DLD: variants seen among roughly 807,000 people sequenced by gnomAD.
DLD encodes the protein dihydrolipoyl dehydrogenase, mitochondrial.
Under a neutral mutation model 62.2 loss-of-function variants are expected in DLD, and 36 were observed. The observed-to-expected ratio is 0.58, with a 90% CI of 0.44 to 0.76. The LOEUF (loss-of-function observed/expected upper bound fraction) is 0.76, where lower values mean the gene tolerates loss of function less well. DLD is among the 30% of genes least tolerant of loss of function. The pLI, the probability that DLD is intolerant of heterozygous loss-of-function variation, is 0.00. For synonymous variants in DLD, 204 were observed against 199.6 expected, an observed-to-expected ratio of 1.02 and a Z score of -0.19; for missense variants, 541 against 608.6, an observed-to-expected ratio of 0.89 and a Z score of 1.17.
chr7:107,898,247 T>A (rs2031779566), intron 2 of DLD, among the ~76,000 whole-genome samples: 1 of 151,622 alleles, frequency 6.6e-6, no homozygotes, highest in Non-Finnish European at 1.5e-5. Flanking sequence ...TAAATGTATT[T>A]CATTTAACTA....
chr7:107,896,413 C>G (rs918932065), intron 2 of DLD, among the ~76,000 whole-genome samples: 1 of 152,168 alleles, frequency 6.6e-6, no homozygotes, highest in African/African-American at 2.4e-5. Flanking sequence ...CAGGTGTCAT[C>G]CTTACTATTA....
Position 107,901,768 on chromosome 7 carries a change from G to A in DLD, c.149G>A (p.Gly50Asp). 1 of 1,613,650 alleles carries A rather than the reference G, an allele frequency of 6.2e-7. No homozygotes were observed. The highest frequency in any genetic ancestry group is 8.5e-7 in the Non-Finnish European group (1 of 1,179,704). Residue 50 changes from glycine to aspartate, a missense_variant, in exon 3 of 14, where the codon GGT (glycine) becomes GAT (aspartate). Transcript: ENST00000205402. ...GCTGATGTAACAGTTATAGGTTCTG[G>A]TCCTGGAGGATATGTTGCTGCTATT... ...IDADVTVIGS[G>D]PGGYVAAIKA...
intron 7 of DLD, among the ~76,000 whole-genome samples, chr7:107,905,971 A>G (rs576246578): frequency 5.3e-5 from 8 of 152,252 alleles, no homozygotes; most frequent in Non-Finnish European, 8.8e-5. Flanking sequence ...ATGACATAGT[A>G]TTTGCATATA....
At chr7:107,891,177 G>A, upstream of DLD, 3 of 1,580,068 alleles carry the variant, frequency 1.9e-6, no homozygotes, top group Admixed American at 1.7e-5. Flanking sequence ...CGCAGGGAGG[G>A]GAGACCTTGG....
chr7:107,918,212 C>A, intron 12 of DLD, 151 bp downstream of exon 12: 2 of 830,374 alleles, frequency 2.4e-6, no homozygotes, highest in Non-Finnish European at 3.9e-6. Flanking sequence ...AGAAGGATAC[C>A]AGCAGCACTC....
At chr7:107,916,427 C>T (rs945206801) in intron 9 of DLD, among the ~76,000 whole-genome samples, 3 of 152,164 alleles carry the variant, frequency 2.0e-5, no homozygotes, top group Non-Finnish European at 4.4e-5. Context: ...GTAATCCCAG[C>T]ATTTTGGGAG....
intron 4 of DLD, among the ~76,000 whole-genome samples, chr7:107,903,241 ATACAAAATTAGCCAGGCGTGG>A (rs938351375): frequency 1.3e-4 from 20 of 152,316 alleles, no homozygotes; most frequent in African/African-American, 4.8e-4. Context: ...TCTACTAAAA[ATACAAAATTAGCCAGGCGTGG>A]TGATGCATGC....
intron 8 of DLD, among the ~76,000 whole-genome samples, chr7:107,911,418 G>C (rs942735361): frequency 7.9e-5 from 12 of 152,150 alleles, no homozygotes; most frequent in African/African-American, 2.9e-4. Context: ...TCTACTTTCA[G>C]ACTATTATGA....
Position 107,916,874 on chromosome 7 carries a change from C to G in DLD, c.956C>G (p.Thr319Ser). ...GTTTGCATTGGCCGACGACCCTTTA[C>G]TAAGAATTTGGGACTAGAAGAGCTG... ...LLVCIGRRPF[T>S]KNLGLEELGI... The change falls in exon 10 of 14, where the codon ACT becomes AGT. Residue 319 changes from threonine to serine, a missense_variant. Transcript: ENST00000205402. 1 of 1,613,384 alleles carries G rather than the reference C, an allele frequency of 6.2e-7. No homozygotes were observed. Among genetic ancestry groups the G allele is most frequent in the Non-Finnish European group, 8.5e-7 (1 of 1,179,912 alleles).
intron 2 of DLD, among the ~76,000 whole-genome samples, chr7:107,896,676 T>C (rs1429816506): frequency 3.9e-5 from 6 of 152,150 alleles, no homozygotes; most frequent in African/African-American, 1.4e-4. Flanking sequence ...TTAAGGCCAT[T>C]GACAATGTAA....
intron 4 of DLD, among the ~76,000 whole-genome samples, chr7:107,903,094 G>C (rs1177373967): frequency 6.6e-6 from 1 of 152,096 alleles, no homozygotes; most frequent in Non-Finnish European, 1.5e-5. Flanking sequence ...TTTTTGTGAT[G>C]AGAACATTTG....
intron 2 of DLD, among the ~76,000 whole-genome samples, chr7:107,897,819 TC>T (rs1258536463): frequency 6.6e-6 from 1 of 152,086 alleles, no homozygotes; most frequent in Non-Finnish European, 1.5e-5. Context: ...CCTCAAGTGA[TC>T]CACCCGCATT....
chr7:107,917,405 T>C lies in DLD; in HGVS notation c.1179T>C (p.Ile393=). The C allele has an allele frequency of 1.2e-6, 2 of 1,614,156 alleles. No homozygotes were observed. The highest frequency in any genetic ancestry group is 2.2e-5 in the South Asian group (2 of 91,078). ...HIDYNCVPSV[I]YTHPEVAWVG... is the part of the protein sequence containing the mutation. ...ACTACAATTGTGTGCCATCAGTGAT[T>C]TACACACACCCTGAAGTTGCTTGGG... Residue 393 remains isoleucine, a synonymous_variant, in exon 11 of 14, where the codon ATT becomes ATC. Coordinates refer to ENST00000205402, the MANE Select transcript of DLD (RefSeq NM_000108.5).
At chr7:107,902,169 T>C (rs2031891735) in intron 3 of DLD, among the ~76,000 whole-genome samples, 156 bp from the exon 4 acceptor site, 1 of 147,952 alleles carries the variant, frequency 6.8e-6, no homozygotes, top group Non-Finnish European at 1.5e-5. Context: ...TTTATTATTA[T>C]TCAAATGATA....
intron 8 of DLD, among the ~76,000 whole-genome samples, chr7:107,914,417 T>C (rs2032218750): frequency 6.6e-6 from 1 of 151,140 alleles, no homozygotes; most frequent in Admixed American, 6.6e-5. Context: ...ATTGTGCTGT[T>C]GGTGTTACAT....
In DLD at chr7:107,921,160, G is replaced by C. The variant is rs2032400996; in HGVS notation, c.*1901G>C. On this transcript the variant is annotated 3_prime_UTR_variant, in exon 14 of 14. Transcript: ENST00000205402. ...GAGAATGCAAATTTATCTGTATGGG[G>C]AATAAAGTCCTAGGAATAAAACAAG... 1 of 152,324 alleles carries C rather than the reference G, an allele frequency of 6.6e-6. No homozygotes were observed. The highest frequency in any genetic ancestry group is 1.5e-5 in the Non-Finnish European group (1 of 68,030). 9.4% of individuals were successfully genotyped at this position (152,324 alleles called of 1,614,324 possible). A position where few individuals can be genotyped will look rare whatever the true frequency, so the allele number is the denominator to read the frequency against.
chr7:107,893,036 A>G (rs2031627622), intron 1 of DLD, among the ~76,000 whole-genome samples, 164 bp from the exon 2 acceptor site: 1 of 152,240 alleles, frequency 6.6e-6, no homozygotes, highest in Admixed American at 6.5e-5. Context: ...AGTTATTGTC[A>G]AAGAGGGGAT....
rs934902855 is a variant in DLD at position 107,901,373 on chromosome 7, A to G, written c.119-365A>G. On this transcript the variant is annotated intron_variant, in intron 2 of 13. Coordinates refer to ENST00000205402, the MANE Select transcript of DLD (RefSeq NM_000108.5). The stretch of plus-strand genomic sequence containing the variant: ...ATGAAGCCCAGAATGTCAGATTCCA[A>G]AGCTCAGGCTCTTTGCTTCATACAT... Among the ~76,000 whole-genome samples, 3 of 152,258 alleles carry G rather than the reference A, an allele frequency of 2.0e-5. No individual in the cohort carries two copies. The Middle Eastern group carries it at 0.01, about 518-fold the overall frequency.
intron 3 of DLD, 76 bp downstream of exon 3, chr7:107,901,893 C>T: frequency 8.4e-7 from 1 of 1,185,374 alleles, no homozygotes; most frequent in Non-Finnish European, 1.3e-6. Context: ...AAGTACTTTG[C>T]AGGCAAAAAC....
Sources: gnomAD v4.1 joint callset for allele counts (sites outside exome capture counted in the v4.1 genomes callset) on GRCh38, gnomAD v4.1.1 for gene constraint, MANE v1.5 for transcripts, NCBI Gene and HGNC (gene_info 2026-07-23, HGNC 2026-07-21) for gene names.